DPP8: variants seen among roughly 807,000 people sequenced by gnomAD.
DPP8 encodes the protein dipeptidyl peptidase 8.
Under a neutral mutation model 107.5 loss-of-function variants are expected in DPP8, and 31 were observed. The ratio of observed to expected loss-of-function variants is 0.29; its 90% CI spans 0.22 to 0.39. The LOEUF is 0.39. DPP8 is among the 10% of genes least tolerant of loss of function. DPP8 has a pLI of 1.00. For synonymous variants in DPP8, 381 were observed against 356.6 expected (o/e 1.07, Z -0.77); for missense variants, 842 against 1,076.1 (o/e 0.78, Z 3.04).
In DPP8 at chr15:65,504,942, A is replaced by G. The variant is rs139809319; in HGVS notation, c.372+2301T>C. 4.8e-3 allele frequency among the ~76,000 whole-genome samples: 734 copies of G among 152,110 alleles called. 4 individuals carry two copies. Among genetic ancestry groups the G allele is most frequent in the African/African-American group, 0.017 (709 of 41,510 alleles). On this transcript the variant is annotated intron_variant, in intron 3 of 19. Coordinates refer to ENST00000300141, the MANE Select transcript of DPP8 (RefSeq NM_130434.5). ...CTGCAGTGAGCTGTGATCACACACC[A>G]CTGTATTCCAACTTGGGTGACAGAG...
chr15:65,507,227 C>T lies in DPP8; in HGVS notation c.372+16G>A. ...TACATACACCAAATCATAGGAATAACAACATTTAATCCTACCTGAAAAAGA... is the reference window on the plus strand; with the variant it reads ...TACATACACCAAATCATAGGAATAATAACATTTAATCCTACCTGAAAAAGA... On this transcript the variant is annotated intron_variant, in intron 3 of 19. Transcript: ENST00000300141. 6.9e-7 allele frequency: 1 copy of T among 1,448,990 alleles called. No homozygotes were observed. The highest frequency in any genetic ancestry group is 9.6e-7 in the Non-Finnish European group (1 of 1,040,516). The allele number at this position is 1,448,990 out of a possible 1,614,324, so 89.8% of individuals were successfully genotyped here. A position where few individuals can be genotyped will look rare whatever the true frequency, so the allele number is the denominator to read the frequency against.
intron 5 of DPP8, among the ~76,000 whole-genome samples, chr15:65,490,679 A>G (rs1865421): frequency 0.2 from 30,958 of 152,160 alleles, 3,507 homozygotes; most frequent in African/African-American, 0.3. Flanking sequence ...TAGGGGACAT[A>G]TAACTCTCTT....
chr15:65,448,411 G>T (rs545925327), intron 19 of DPP8, among the ~76,000 whole-genome samples: 5 of 151,594 alleles, frequency 3.3e-5, no homozygotes, highest in African/African-American at 1.2e-4. Context: ...GGTGGCTCAT[G>T]CCTGTAACCC....
intron 17 of DPP8, among the ~76,000 whole-genome samples, chr15:65,453,658 C>T (rs182545089): frequency 1.8e-4 from 28 of 152,066 alleles, no homozygotes; most frequent in African/African-American, 5.8e-4. Flanking sequence ...GTGGAGGCTG[C>T]AGTGAGCCAA....
chr15:65,475,256 CAGAG>C (rs1374677351), intron 11 of DPP8: 4 of 551,164 alleles, frequency 7.3e-6, no homozygotes, highest in African/African-American at 3.8e-5. Context: ...ATGACATTTA[CAGAG>C]AGAGGCTAGA....
intron 2 of DPP8, among the ~76,000 whole-genome samples, chr15:65,508,007 G>A (rs2070283245): frequency 6.6e-6 from 1 of 152,090 alleles, no homozygotes; most frequent in Non-Finnish European, 1.5e-5. Flanking sequence ...GGAGCCCGAG[G>A]CAGGCAGATC....
At chr15:65,510,329 A>C (rs778458357) in intron 2 of DPP8, among the ~76,000 whole-genome samples, 13 of 152,170 alleles carry the variant, frequency 8.5e-5, no homozygotes, top group Admixed American at 1.3e-4. Flanking sequence ...AATAATAATT[A>C]ATAATTAATT....
At chr15:65,516,520 G>C (rs948778637) in intron 1 of DPP8, 2 of 152,100 alleles carry the variant, frequency 1.3e-5, no homozygotes, top group Non-Finnish European at 2.9e-5. Context: ...AGGTGATGAA[G>C]GGATGGGGTG....
chr15:65,477,923 C>T (rs1300007087), intron 11 of DPP8, among the ~76,000 whole-genome samples: 2 of 152,242 alleles, frequency 1.3e-5, no homozygotes, highest in South Asian at 2.1e-4. Context: ...AAAGTGCTTC[C>T]TATTCTAAAA....
At chr15:65,490,369 A>C in intron 5 of DPP8, 70 bp from the exon 6 acceptor site, 2 of 966,846 alleles carry the variant, frequency 2.1e-6, no homozygotes, top group Non-Finnish European at 3.3e-6. Context: ...AAAATGATTC[A>C]GTTTATTTGG....
intron 7 of DPP8, among the ~76,000 whole-genome samples, chr15:65,486,442 C>G (rs1227990470): frequency 6.6e-6 from 1 of 151,718 alleles, no homozygotes; most frequent in African/African-American, 2.4e-5. Context: ...GCTGGTCGAG[C>G]TACTCAGGAG....
At chr15:65,471,769 T>C (rs1419239014) in intron 12 of DPP8, among the ~76,000 whole-genome samples, 1 of 152,216 alleles carries the variant, frequency 6.6e-6, no homozygotes, top group Non-Finnish European at 1.5e-5. Context: ...ACTACAAGTT[T>C]GAGCTACCAT....
At chr15:65,494,035 C>T (rs924330478) in intron 5 of DPP8, among the ~76,000 whole-genome samples, 2 of 142,784 alleles carry the variant, frequency 1.4e-5, no homozygotes, top group African/African-American at 6.1e-5. Flanking sequence ...TGTTGATGTG[C>T]TATTAATTAA....
chr15:65,486,333 C>A (rs1433308285), intron 7 of DPP8, among the ~76,000 whole-genome samples: 1 of 151,196 alleles, frequency 6.6e-6, no homozygotes, highest in Non-Finnish European at 1.5e-5. Context: ...ACCTGGGAGG[C>A]GGAGGTTGTA....
intron 7 of DPP8, among the ~76,000 whole-genome samples, chr15:65,486,270 C>T (rs1452807532): frequency 6.6e-6 from 1 of 151,108 alleles, no homozygotes; most frequent in Non-Finnish European, 1.5e-5. Flanking sequence ...GGTGTGGCGG[C>T]GGGCGCCTGT....
chr15:65,455,150 G>A (rs2064305722), intron 16 of DPP8, among the ~76,000 whole-genome samples: 1 of 151,896 alleles, frequency 6.6e-6, no homozygotes, highest in African/African-American at 2.4e-5. Context: ...CTATTTTTTT[G>A]GAGACATGGT....
intron 15 of DPP8, among the ~76,000 whole-genome samples, chr15:65,462,005 G>A (rs2064971058): frequency 6.6e-6 from 1 of 151,704 alleles, no homozygotes; most frequent in African/African-American, 2.4e-5. Context: ...GTCTTACTCT[G>A]TTGCCTGGGC....
chr15:65,465,732 T>C (rs981147628), intron 14 of DPP8, among the ~76,000 whole-genome samples: 1 of 151,818 alleles, frequency 6.6e-6, no homozygotes, highest in Admixed American at 6.6e-5. Context: ...ATTTTTTGTA[T>C]TTTTTAATAG....
At chr15:65,488,600 C>A (rs113813110) in intron 6 of DPP8, among the ~76,000 whole-genome samples, 2,314 of 107,236 alleles carry the variant, frequency 0.022, 48 homozygotes, top group Non-Finnish European at 0.029. Flanking sequence ...AGAGACCCTG[C>A]CTCAAAAAAA....
Sources: allele counts gnomAD v4.1 joint callset (sites outside exome capture counted in the v4.1 genomes callset), GRCh38; gene constraint gnomAD v4.1.1; transcripts MANE v1.5; gene names NCBI Gene and HGNC (gene_info 2026-07-23, HGNC 2026-07-21).